NR2F1-AS1: variants seen among roughly 807,000 people sequenced by gnomAD.
NR2F1-AS1 encodes NR2F1 antisense RNA 1.
At chr5:93,528,904 G>A (rs953584042) in intron 4 of NR2F1-AS1, among the ~76,000 whole-genome samples, 10 of 152,114 alleles carry the variant, frequency 6.6e-5, no homozygotes, top group Admixed American at 1.3e-4. Context: ...CTCGGGGGTG[G>A]GGGGCTAGGG....
intron 4 of NR2F1-AS1, among the ~76,000 whole-genome samples, chr5:93,455,662 A>G (rs892435738): frequency 1.3e-5 from 2 of 152,200 alleles, no homozygotes; most frequent in Non-Finnish European, 2.9e-5. Context: ...GTATGTATTA[A>G]TATCAGATGA....
At chr5:93,525,735 A>G (rs769796659) in intron 4 of NR2F1-AS1, among the ~76,000 whole-genome samples, 1 of 152,248 alleles carries the variant, frequency 6.6e-6, no homozygotes, top group Non-Finnish European at 1.5e-5. Context: ...TGGAAACTGA[A>G]CAACCTGCTC....
At chr5:93,528,897 G>A (rs1321445336) in intron 4 of NR2F1-AS1, among the ~76,000 whole-genome samples, 1 of 151,868 alleles carries the variant, frequency 6.6e-6, no homozygotes, top group Non-Finnish European at 1.5e-5. Flanking sequence ...AGGGTTTCTC[G>A]GGGGTGGGGG....
At chr5:93,481,038 G>A (rs747501507) in intron 4 of NR2F1-AS1, among the ~76,000 whole-genome samples, 31 of 151,974 alleles carry the variant, frequency 2.0e-4, no homozygotes, top group African/African-American at 3.6e-4. Flanking sequence ...CACTATAAGC[G>A]TAAATGAATT....
chr5:93,581,735 CCCCTCT>C (rs1446090486), upstream of NR2F1-AS1, among the ~76,000 whole-genome samples: 21 of 26,774 alleles, frequency 7.8e-4, 2 homozygotes, highest in African/African-American at 4.5e-3. Flanking sequence ...TCTCTCTCTC[CCCCTCT>C]CCCTCTCCCT....
chr5:93,415,590 T>C (rs995768305), intron 4 of NR2F1-AS1, among the ~76,000 whole-genome samples: 2 of 152,202 alleles, frequency 1.3e-5, no homozygotes, highest in Non-Finnish European at 2.9e-5. Context: ...AAAACTCTTA[T>C]ATGTAGAACC....
chr5:93,466,403 C>G (rs1252967133), intron 4 of NR2F1-AS1, among the ~76,000 whole-genome samples: 1 of 151,684 alleles, frequency 6.6e-6, no homozygotes, highest in African/African-American at 2.4e-5. Flanking sequence ...CGCACTCAAT[C>G]TCAGCTCATT....
At chr5:93,472,187 T>C (rs564244308) in intron 4 of NR2F1-AS1, among the ~76,000 whole-genome samples, 1 of 151,954 alleles carries the variant, frequency 6.6e-6, no homozygotes, top group African/African-American at 2.4e-5. Context: ...TGAAGGAAAT[T>C]ACACTGTAAT....
At chr5:93,532,648 C>A (rs753509482) in intron 4 of NR2F1-AS1, among the ~76,000 whole-genome samples, 3 of 152,218 alleles carry the variant, frequency 2.0e-5, no homozygotes, top group Non-Finnish European at 4.4e-5. Context: ...AACCTGTTTA[C>A]AAACAGCTGA....
chr5:93,573,296 C>T (rs1752818520), intron 1 of NR2F1-AS1, among the ~76,000 whole-genome samples: 1 of 152,204 alleles, frequency 6.6e-6, no homozygotes, highest in Non-Finnish European at 1.5e-5. Flanking sequence ...CCTCCAGAAC[C>T]CCTTGTTGGT....
At chr5:93,502,678 G>GT (rs778870800) in intron 4 of NR2F1-AS1, among the ~76,000 whole-genome samples, 32 of 152,136 alleles carry the variant, frequency 2.1e-4, no homozygotes, top group Admixed American at 1.6e-3. Context: ...CAGGAGAGCA[G>GT]TTTTTTTGCC....
At chr5:93,453,835 A>T (rs761645557) in intron 4 of NR2F1-AS1, among the ~76,000 whole-genome samples, 2 of 152,216 alleles carry the variant, frequency 1.3e-5, no homozygotes, top group Admixed American at 6.5e-5. Context: ...ATGCTATCAG[A>T]CTGGCACTAC....
intron 4 of NR2F1-AS1, among the ~76,000 whole-genome samples, chr5:93,506,852 A>G (rs1233336918): frequency 6.6e-6 from 1 of 152,218 alleles, no homozygotes. Flanking sequence ...GCAAAAATGG[A>G]TAAGAAAAGA....
intron 4 of NR2F1-AS1, among the ~76,000 whole-genome samples, chr5:93,444,994 G>C (rs1749663856): frequency 6.6e-6 from 1 of 152,172 alleles, no homozygotes; most frequent in African/African-American, 2.4e-5. Context: ...GATGTTCTTT[G>C]AAACCAATAA....
At chr5:93,462,955 G>C (rs1376405748) in intron 4 of NR2F1-AS1, among the ~76,000 whole-genome samples, 1 of 152,176 alleles carries the variant, frequency 6.6e-6, no homozygotes, top group African/African-American at 2.4e-5. Context: ...GCAACCTGAT[G>C]ACATGATAGA....
intron 4 of NR2F1-AS1, among the ~76,000 whole-genome samples, chr5:93,512,609 G>A (rs1053590903): frequency 1.3e-5 from 2 of 152,082 alleles, no homozygotes; most frequent in Non-Finnish European, 2.9e-5. Flanking sequence ...CTCACTCACT[G>A]ACTAACCCAG....
At chr5:93,534,978 A>G (rs1435540246) in intron 4 of NR2F1-AS1, among the ~76,000 whole-genome samples, 2 of 152,220 alleles carry the variant, frequency 1.3e-5, no homozygotes, top group Non-Finnish European at 2.9e-5. Flanking sequence ...CACAGATTTT[A>G]AAATAGGCAT....
intron 2 of NR2F1-AS1, among the ~76,000 whole-genome samples, chr5:93,559,423 A>G (rs751822033): frequency 1.3e-5 from 2 of 152,200 alleles, no homozygotes; most frequent in Admixed American, 6.5e-5. Context: ...TTTCTCTACA[A>G]TAAGACTGTT....
chr5:93,510,897 A>G (rs979796653), intron 4 of NR2F1-AS1, among the ~76,000 whole-genome samples: 7 of 152,184 alleles, frequency 4.6e-5, no homozygotes, highest in Admixed American at 1.3e-4. Flanking sequence ...GACCTGCACA[A>G]CTGTTATTAC....
Sources: allele counts gnomAD v4.1 joint callset (sites outside exome capture counted in the v4.1 genomes callset), GRCh38; gene constraint gnomAD v4.1.1; transcripts MANE v1.5; gene names NCBI Gene and HGNC (gene_info 2026-07-23, HGNC 2026-07-21).